PIP5K1B: variants seen among roughly 807,000 people sequenced by gnomAD.
PIP5K1B encodes the protein phosphatidylinositol 4-phosphate 5-kinase type-1 beta.
A neutral mutation model predicts 67.0 loss-of-function variants in PIP5K1B; 42 were observed. The observed-to-expected ratio is 0.63, with a 90% CI of 0.49 to 0.81. The LOEUF (loss-of-function observed/expected upper bound fraction) is 0.81, where lower values mean the gene tolerates loss of function less well. Among genes scored for constraint, PIP5K1B ranks in the 30% least tolerant of loss-of-function variants. The pLI is 0.00. For synonymous variants in PIP5K1B, 214 were observed against 231.4 expected (o/e 0.92, Z 0.68); for missense variants, 459 against 646.3 (o/e 0.71, Z 3.14).
chr9:68,991,340 T>G, intron 15 of PIP5K1B, 83 bp downstream of exon 15: 2 of 764,930 alleles, frequency 2.6e-6, no homozygotes, highest in South Asian at 3.0e-5. Context: ...ACAAGTTCAA[T>G]AAAACCAGGC....
intron 1 of PIP5K1B, among the ~76,000 whole-genome samples, chr9:68,710,957 GGTGT>G (rs2132235780): frequency 6.6e-6 from 1 of 152,280 alleles, no homozygotes; most frequent in South Asian, 2.1e-4. Flanking sequence ...TTTTAAAATG[GGTGT>G]GTATGTCTTT....
chr9:68,952,810 C>T (rs1201132461), intron 14 of PIP5K1B, among the ~76,000 whole-genome samples: 1 of 133,396 alleles, frequency 7.5e-6, no homozygotes, highest in African/African-American at 3.5e-5. Context: ...TGCCTGTCTG[C>T]CTGCCTGCCT....
At chr9:68,999,622 G>C (rs532763070) in intron 15 of PIP5K1B, among the ~76,000 whole-genome samples, 29 of 152,044 alleles carry the variant, frequency 1.9e-4, no homozygotes, top group African/African-American at 7.0e-4. Context: ...TTATTAACAG[G>C]GTCCTTCAGC....
At chr9:68,774,865 G>A (rs947197560) in intron 2 of PIP5K1B, among the ~76,000 whole-genome samples, 2 of 152,160 alleles carry the variant, frequency 1.3e-5, no homozygotes, top group Admixed American at 6.5e-5. Flanking sequence ...TCCAGAAGAG[G>A]CCAGTTTCAT....
At chr9:68,917,308 A>T (rs543071853) in intron 8 of PIP5K1B, among the ~76,000 whole-genome samples, 1 of 152,356 alleles carries the variant, frequency 6.6e-6, no homozygotes, top group South Asian at 2.1e-4. Context: ...GGTTGAGAAA[A>T]CATGTGCTTG....
At chr9:68,964,791 A>G (rs888076305) in intron 14 of PIP5K1B, among the ~76,000 whole-genome samples, 2 of 152,246 alleles carry the variant, frequency 1.3e-5, no homozygotes, top group African/African-American at 2.4e-5. Context: ...TTAAACTAGA[A>G]TGCCTGTAGG....
At chr9:68,867,719 T>G (rs570942634) in intron 5 of PIP5K1B, among the ~76,000 whole-genome samples, 1 of 152,152 alleles carries the variant, frequency 6.6e-6, no homozygotes, top group Non-Finnish European at 1.5e-5. Context: ...AATAAATCAG[T>G]CAAATAATGC....
At chr9:68,772,504 T>C (rs1830715527) in intron 2 of PIP5K1B, among the ~76,000 whole-genome samples, 1 of 152,336 alleles carries the variant, frequency 6.6e-6, no homozygotes, top group South Asian at 2.1e-4. Context: ...GGGTAGCTGC[T>C]ACTGTTGGGG....
intron 2 of PIP5K1B, among the ~76,000 whole-genome samples, chr9:68,749,498 G>A (rs548646896): frequency 1.2e-4 from 19 of 152,266 alleles, no homozygotes; most frequent in South Asian, 1.0e-3. Context: ...ATAAATTTTC[G>A]TAGTTTTAAG....
chr9:68,758,935 A>G (rs1288178931), intron 2 of PIP5K1B, among the ~76,000 whole-genome samples: 1 of 152,190 alleles, frequency 6.6e-6, no homozygotes, highest in Non-Finnish European at 1.5e-5. Context: ...AGAAAGTGAT[A>G]TAACATTTTA....
chr9:68,863,763 T>C (rs1345690812), intron 4 of PIP5K1B, 74 bp from the exon 5 acceptor site: 53 of 1,292,682 alleles, frequency 4.1e-5, no homozygotes, highest in Middle Eastern at 1.9e-4. Context: ...ACCTCACTCA[T>C]GTTTTGTTGC....
intron 4 of PIP5K1B, among the ~76,000 whole-genome samples, chr9:68,850,618 C>T (rs12379061): frequency 0.095 from 14,411 of 152,244 alleles, 859 homozygotes; most frequent in Non-Finnish European, 0.14. Flanking sequence ...GTGTTATTTC[C>T]CCCAAAACAG....
At chr9:68,805,708 G>A (rs962785015) in intron 2 of PIP5K1B, among the ~76,000 whole-genome samples, 1 of 152,146 alleles carries the variant, frequency 6.6e-6, no homozygotes, top group Non-Finnish European at 1.5e-5. Flanking sequence ...TCCAGAGGGG[G>A]TAGTGACAAG....
chr9:68,892,716 A>G (rs540057753), intron 7 of PIP5K1B, among the ~76,000 whole-genome samples: 1 of 152,360 alleles, frequency 6.6e-6, no homozygotes, highest in Non-Finnish European at 1.5e-5. Flanking sequence ...ACAAAAAGCA[A>G]AAAGCAAACA....
In PIP5K1B at chr9:68,944,292, A is replaced by G. The variant is rs561491074; in HGVS notation, c.1502+3502A>G. The stretch of plus-strand genomic sequence containing the variant: ...AAAGAGGTATAAATTGAGCACTAAG[A>G]AATATAGAGGCAAATGTGTTTTACC... On this transcript the variant is annotated intron_variant, in intron 14 of 15. Transcript: ENST00000265382. Among the ~76,000 whole-genome samples, 5 of 152,368 alleles carry G rather than the reference A, an allele frequency of 3.3e-5. No homozygotes were observed. The East Asian group carries it at 7.7e-4, about 23-fold the overall frequency.
chr9:68,738,547 G>A (rs924152461), intron 1 of PIP5K1B, among the ~76,000 whole-genome samples: 27 of 152,158 alleles, frequency 1.8e-4, no homozygotes, highest in African/African-American at 5.8e-4. Context: ...CACCTTCCTT[G>A]GATCTGCGTA....
chr9:68,892,784 A>G (rs1434733708), intron 7 of PIP5K1B, among the ~76,000 whole-genome samples: 3 of 152,200 alleles, frequency 2.0e-5, no homozygotes, highest in Non-Finnish European at 4.4e-5. Context: ...AAGGCAACAC[A>G]TTTAGGCCAA....
intron 6 of PIP5K1B, among the ~76,000 whole-genome samples, chr9:68,880,188 C>T (rs926083085): frequency 2.0e-5 from 3 of 152,170 alleles, no homozygotes; most frequent in Admixed American, 6.5e-5. Flanking sequence ...CATGAGTTGA[C>T]GCTGGAAGAT....
At chr9:68,809,979 T>C (rs1040387330) in intron 2 of PIP5K1B, among the ~76,000 whole-genome samples, 3 of 152,218 alleles carry the variant, frequency 2.0e-5, no homozygotes, top group Non-Finnish European at 4.4e-5. Context: ...TAAATGTTCA[T>C]TGAATGAATG....
Sources: gnomAD v4.1 joint callset for allele counts (sites outside exome capture counted in the v4.1 genomes callset) on GRCh38, gnomAD v4.1.1 for gene constraint, MANE v1.5 for transcripts, NCBI Gene and HGNC (gene_info 2026-07-23, HGNC 2026-07-21) for gene names.